ZNF75A: variants seen among roughly 807,000 people sequenced by gnomAD.
The protein encoded by ZNF75A is zinc finger protein 75A.
In ZNF75A, 36 loss-of-function variants were observed where a neutral mutation model predicts 46.3. That is an observed-to-expected ratio of 0.78 (90% CI 0.60 to 1.03). The LOEUF (loss-of-function observed/expected upper bound fraction) is 1.03, where lower values mean the gene tolerates loss of function less well. Ranked by LOEUF, ZNF75A falls within the 50% of genes least tolerant of loss-of-function variation. ZNF75A has a pLI of 0.00. For synonymous variants in ZNF75A, 234 were observed against 189.9 expected (o/e 1.23, Z -1.91); for missense variants, 595 against 551.3 (o/e 1.08, Z -0.79).
intron 2 of ZNF75A, among the ~76,000 whole-genome samples, chr16:3,309,766 AAG>A (rs1287494665): frequency 1.3e-5 from 2 of 151,712 alleles, no homozygotes; most frequent in African/African-American, 4.8e-5. Flanking sequence ...AAAAAAAAAA[AAG>A]GCAGATCCAC....
rs368220179 is a variant in ZNF75A, at chr16:3,314,063, C to CTATA, written c.823+898_823+901dup. ...GTATATCATGCAAGGGGAAAAAACG[C>CTATA]TATATATATATATCTTTTTATTAAC... On this transcript the variant is annotated intron_variant, in intron 5 of 6. Transcript: ENST00000669516. Among the ~76,000 whole-genome samples the CTATA allele has an allele frequency of 1.4e-3, 205 of 151,702 alleles. 3 individuals carry two copies. The East Asian group carries it at 0.033, about 24-fold the overall frequency.
Position 3,318,174 on chromosome 16 carries a change from A to T in ZNF75A, c.*305A>T, listed in dbSNP as rs1008938309. ...CAGTAACATGCATGTTTAATTGCAT[A>T]CCATTCTCTTCACAGTAGCAGGCTT... is the stretch of plus-strand genomic sequence containing the variant. On this transcript the variant is annotated 3_prime_UTR_variant, in exon 7 of 7. Coordinates refer to ENST00000669516, the MANE Select transcript of ZNF75A (RefSeq NM_001302109.2). 3 of 1,098,368 alleles carry T rather than the reference A, an allele frequency of 2.7e-6. No homozygotes were observed. Among genetic ancestry groups the T allele is most frequent in the Non-Finnish European group, 2.2e-6 (2 of 902,612 alleles). 68.0% of individuals were successfully genotyped at this position (1,098,368 alleles called of 1,614,324 possible).
intron 2 of ZNF75A, among the ~76,000 whole-genome samples, chr16:3,310,160 C>G (rs1193420019): frequency 2.6e-5 from 4 of 151,992 alleles, no homozygotes; most frequent in African/African-American, 9.7e-5. Context: ...CTTTGGGAGG[C>G]TGAGGCGGGC....
chr16:3,314,362 G>A (rs959827132), intron 5 of ZNF75A, among the ~76,000 whole-genome samples: 3 of 152,178 alleles, frequency 2.0e-5, no homozygotes, highest in African/African-American at 7.2e-5. Flanking sequence ...CCAAAGACTG[G>A]ACAGTGGCAC....
At position 3,317,883 on chromosome 16, in the gene ZNF75A, C is replaced by A; in HGVS notation, c.*14C>A. On this transcript the variant is annotated 3_prime_UTR_variant, in exon 7 of 7. Coordinates refer to ENST00000669516, the MANE Select transcript of ZNF75A (RefSeq NM_001302109.2). ...CTCCACCTGTGAAGAGAAGCTTGTC[C>A]AGTGTCCTCATTCTGAAGACATTCA... The A allele has an allele frequency of 6.3e-7, 1 of 1,574,988 alleles. No individual in the cohort carries two copies. The highest frequency in any genetic ancestry group is 8.6e-7 in the Non-Finnish European group (1 of 1,161,018).
Position 3,317,936 on chromosome 16 carries a change from T to C in ZNF75A, c.*67T>C. 6.7e-7 allele frequency: 1 copy of C among 1,500,564 alleles called. No homozygotes were observed. The highest frequency in any genetic ancestry group is 8.9e-7 in the Non-Finnish European group (1 of 1,128,068). The allele number at this position is 1,500,564 out of a possible 1,614,324, so 93.0% of individuals were successfully genotyped here. A position where few individuals can be genotyped will look rare whatever the true frequency, so the allele number is the denominator to read the frequency against. On this transcript the variant is annotated 3_prime_UTR_variant, in exon 7 of 7. Transcript: ENST00000669516. ...AAATGGAGCTTGGCACTAAAATTTA[T>C]GTAAAAGAAAAATCACAAACCTTGA... is the stretch of plus-strand genomic sequence containing the variant.
chr16:3,318,008 TAATC>T lies in ZNF75A; in HGVS notation c.*142_*145del. 1.4e-6 allele frequency: 2 copies of T among 1,423,704 alleles called. No individual in the cohort carries two copies. Among genetic ancestry groups the T allele is most frequent in the South Asian group, 3.2e-5 (2 of 62,708 alleles). 88.2% of individuals were successfully genotyped at this position (1,423,704 alleles called of 1,614,324 possible). A position where few individuals can be genotyped will look rare whatever the true frequency, so the allele number is the denominator to read the frequency against. ...GGATAAACATACATTTCACAGAAAA[TAATC>T]AAGACTTGCTCTGCAGCCACTCAGT... On this transcript the variant is annotated 3_prime_UTR_variant, in exon 7 of 7. Transcript: ENST00000669516.
chr16:3,318,711 T>C lies in ZNF75A; in HGVS notation c.*842T>C. 1 of 985,304 alleles carries C rather than the reference T, an allele frequency of 1.0e-6. No individual in the cohort carries two copies. The highest frequency in any genetic ancestry group is 4.7e-5 in the South Asian group (1 of 21,284). 61.0% of individuals were successfully genotyped at this position (985,304 alleles called of 1,614,324 possible). A position where few individuals can be genotyped will look rare whatever the true frequency, so the allele number is the denominator to read the frequency against. ...TTACTTTTTAATTGGCTTTTCTTTGTTGTTAAGAATGAGAGACTTAATTTC... is the reference window on the plus strand; with the variant it reads ...TTACTTTTTAATTGGCTTTTCTTTGCTGTTAAGAATGAGAGACTTAATTTC... On this transcript the variant is annotated 3_prime_UTR_variant, in exon 7 of 7. Coordinates refer to ENST00000669516, the MANE Select transcript of ZNF75A (RefSeq NM_001302109.2).
chr16:3,316,661 T>C (rs1169407268), intron 5 of ZNF75A: 2 of 296,816 alleles, frequency 6.7e-6, no homozygotes, highest in Non-Finnish European at 1.3e-5. Flanking sequence ...AGAGAGAACA[T>C]GTACTGGATT....
At chr16:3,322,866 A>T, downstream of ZNF75A, 1 of 983,806 alleles carries the variant, frequency 1.0e-6, no homozygotes, top group East Asian at 1.1e-4. Context: ...AGTCTTAGGA[A>T]GCCTTGTACA....
chr16:3,314,845 G>A (rs1384461580), intron 5 of ZNF75A: 1 of 985,290 alleles, frequency 1.0e-6, no homozygotes, highest in Admixed American at 6.1e-5. Flanking sequence ...TGTAATGCAG[G>A]AAAACTGTAA....
At chr16:3,323,437 G>C (rs145222813), downstream of ZNF75A, 7,406 of 749,756 alleles carry the variant, frequency 9.9e-3, 53 homozygotes, top group Non-Finnish European at 0.013. Context: ...GAGGGATGGT[G>C]TTCTTATTGA....
chr16:3,309,475 C>CA (rs60942250), intron 2 of ZNF75A: 3,548 of 126,622 alleles, frequency 0.028, 240 homozygotes, highest in East Asian at 0.28. Flanking sequence ...ACAAAAAAAA[C>CA]AAAAAAAAAA....
rs1305840176 is a variant in ZNF75A at position 3,318,154 on chromosome 16, A to G, written c.*285A>G. On this transcript the variant is annotated 3_prime_UTR_variant, in exon 7 of 7. Coordinates refer to ENST00000669516, the MANE Select transcript of ZNF75A (RefSeq NM_001302109.2). ...TGGTCTTCCAAAACAAAAAGCAGTA[A>G]CATGCATGTTTAATTGCATACCATT... The G allele has an allele frequency of 1.2e-5, 14 of 1,154,462 alleles. No individual in the cohort carries two copies. Among genetic ancestry groups the G allele is most frequent in the South Asian group, 3.4e-5 (1 of 29,590 alleles). 71.5% of individuals were successfully genotyped at this position (1,154,462 alleles called of 1,614,324 possible). A position where few individuals can be genotyped will look rare whatever the true frequency, so the allele number is the denominator to read the frequency against.
Position 3,310,658 on chromosome 16 carries a change from AG to A in ZNF75A, c.409-1091del. On this transcript the variant is annotated intron_variant, in intron 2 of 6. Transcript: ENST00000669516. ...AAACAAACAAACAAAAAAAACAACT[AG>A]GGGAAGACTGCACAAGAAAAGAAAA... is the stretch of plus-strand genomic sequence containing the variant. The A allele has an allele frequency of 4.1e-6, 4 of 985,550 alleles. No homozygotes were observed. In the South Asian group the frequency reaches 1.4e-4, roughly 35 times the overall value. The allele number at this position is 985,550 out of a possible 1,614,324, so 61.1% of individuals were successfully genotyped here.
rs1961363877 is a variant in ZNF75A at position 3,318,075 on chromosome 16, T to C, written c.*206T>C. 1 of 1,359,586 alleles carries C rather than the reference T, an allele frequency of 7.4e-7. No individual in the cohort carries two copies. Among genetic ancestry groups the C allele is most frequent in the Admixed American group, 3.5e-5 (1 of 28,936 alleles). 84.2% of individuals were successfully genotyped at this position (1,359,586 alleles called of 1,614,324 possible). A position where few individuals can be genotyped will look rare whatever the true frequency, so the allele number is the denominator to read the frequency against. On this transcript the variant is annotated 3_prime_UTR_variant, in exon 7 of 7. Coordinates refer to ENST00000669516, the MANE Select transcript of ZNF75A (RefSeq NM_001302109.2). ...TCACAGAAGTAAACATTGTTGGCTT[T>C]GTATTGATCTCTCCAGTCATTTTTG...
intron 5 of ZNF75A, chr16:3,314,946 A>G (rs189168265): frequency 7.1e-6 from 7 of 985,320 alleles, no homozygotes; most frequent in Admixed American, 1.2e-4. Context: ...AACCTCTGTG[A>G]GAGGGTCTCA....
Position 3,317,749 on chromosome 16 carries a change from C to T in ZNF75A, c.1494C>T (p.Asn498=). Residue 498 remains asparagine (N), a synonymous_variant, in exon 7 of 7, where the codon AAC becomes AAT. Transcript: ENST00000669516. ...CHECGKKFSQ[N]SHLIKHRRTH... ...AATGTGGAAAAAAATTCAGTCAGAA[C>T]TCCCACCTTATTAAACACCGGAGAA... The T allele has an allele frequency of 6.2e-7, 1 of 1,614,178 alleles. No homozygotes were observed. The highest frequency in any genetic ancestry group is 1.1e-5 in the South Asian group (1 of 91,084).
At chr16:3,314,609 C>A (rs868487844) in intron 5 of ZNF75A, 1 of 955,708 alleles carries the variant, frequency 1.0e-6, no homozygotes, top group East Asian at 1.1e-4. Flanking sequence ...GCCTTCGCCC[C>A]CGTGGGCCCC....
Sources: gnomAD v4.1 joint callset for allele counts (sites outside exome capture counted in the v4.1 genomes callset) on GRCh38, gnomAD v4.1.1 for gene constraint, MANE v1.5 for transcripts, NCBI Gene and HGNC (gene_info 2026-07-23, HGNC 2026-07-21) for gene names.